The following VGLL4 variants were observed in gnomAD, a reference collection of about 807,000 sequenced individuals.
VGLL4 encodes the protein transcription cofactor vestigial-like protein 4.
In VGLL4, 7 loss-of-function variants were observed where a neutral mutation model predicts 21.0. The observed-to-expected ratio is 0.33, with a 90% CI of 0.19 to 0.63. VGLL4 has a LOEUF of 0.63. VGLL4 is among the 20% of genes least tolerant of loss of function. The pLI is 0.78. For synonymous variants in VGLL4, 222 were observed against 173.2 expected (o/e 1.28, Z -2.21); for missense variants, 394 against 425.7 (o/e 0.93, Z 0.66).
Position 11,578,403 on chromosome 3 carries a change from TGCCTGAATGCCAGCC to T in VGLL4, c.273-13399_273-13385del, listed in dbSNP as rs575847002. ...CCACACACCGGAGCATGGTCACAAC[TGCCTGAATGCCAGCC>T]GCCTTCCCATGGTCCAGCCCTAAGG... is the stretch of plus-strand genomic sequence containing the variant. On this transcript the variant is annotated intron_variant, in intron 2 of 4. Transcript: ENST00000430365. Among the ~76,000 whole-genome samples the T allele has an allele frequency of 3.9e-5, 6 of 152,302 alleles. No individual in the cohort carries two copies. In the South Asian group the frequency reaches 1.2e-3, roughly 32 times the overall value.
At position 11,565,150 on chromosome 3, in the gene VGLL4, C is replaced by G. The variant is rs1371425170; in HGVS notation, c.273-131G>C. The stretch of plus-strand genomic sequence containing the variant: ...GCTCAGGTCGTGTGGCTGGGCAGCA[C>G]GATGAGGAGCCGGTTGCCAGCCCGG... On this transcript the variant is annotated intron_variant, in intron 2 of 4. Transcript: ENST00000430365. This position sits in a 1 kb window ranked among gnomAD's most constrained non-coding sequence, Gnocchi z 4.1. 1.1e-6 allele frequency: 1 copy of G among 931,096 alleles called. No homozygotes were observed. Among genetic ancestry groups the G allele is most frequent in the Non-Finnish European group, 1.5e-6 (1 of 687,412 alleles). The allele number at this position is 931,096 out of a possible 1,614,324, so 57.7% of individuals were successfully genotyped here. A position where few individuals can be genotyped will look rare whatever the true frequency, so the allele number is the denominator to read the frequency against.
intron 1 of VGLL4, among the ~76,000 whole-genome samples, chr3:11,709,449 A>C (rs1003000657): frequency 7.6e-6 from 1 of 131,686 alleles, no homozygotes; most frequent in Non-Finnish European, 1.6e-5. Context: ...AAAAAAAAAA[A>C]AAAAAAAAAA....
In VGLL4 at chr3:11,695,930, C is replaced by T. The variant is rs117292904; in HGVS notation, c.64+7041G>A. Among the ~76,000 whole-genome samples, 271 of 152,268 alleles carry T rather than the reference C, an allele frequency of 1.8e-3. 1 individual carries two copies. Among genetic ancestry groups the T allele is most frequent in the African/African-American group, 5.5e-3 (230 of 41,530 alleles). On this transcript the variant is annotated intron_variant, in intron 2 of 5. Coordinates refer to the VGLL4 transcript ENST00000273038. Reference sequence around the variant, plus strand: ...CACTACAGAAGAGCTGGCAGAAAAACGATCCAAAGGCCATGTTATATTGAG... The same window carrying T: ...CACTACAGAAGAGCTGGCAGAAAAATGATCCAAAGGCCATGTTATATTGAG...
chr3:11,618,227 G>C (rs2075202043), intron 1 of VGLL4, among the ~76,000 whole-genome samples: 1 of 152,042 alleles, frequency 6.6e-6, no homozygotes, highest in Non-Finnish European at 1.5e-5. Flanking sequence ...CAGATATGTT[G>C]GGTTTTTCAC....
rs935134688 is a variant in VGLL4 at position 11,556,936 on chromosome 3, A to C, written c.*1620T>G. ...GGCCTGCAGCCACTCTGTGACTACA[A>C]GAGCCAGTCCTCCGACCTTTTCACC... On this transcript the variant is annotated 3_prime_UTR_variant, in exon 5 of 5. Transcript: ENST00000430365. 3.3e-5 allele frequency: 5 copies of C among 152,782 alleles called. No individual in the cohort carries two copies. The highest frequency in any genetic ancestry group is 1.2e-4 in the African/African-American group (5 of 41,462). The allele number at this position is 152,782 out of a possible 1,614,324, so 9.5% of individuals were successfully genotyped here.
chr3:11,648,237 G>A (rs2075820589), upstream of VGLL4, among the ~76,000 whole-genome samples: 1 of 152,156 alleles, frequency 6.6e-6, no homozygotes, highest in African/African-American at 2.4e-5. Context: ...TAGAGACTAG[G>A]TAGGACCAGA....
At chr3:11,691,982 T>TG (rs960660514) in intron 2 of VGLL4, among the ~76,000 whole-genome samples, 4 of 40,816 alleles carry the variant, frequency 9.8e-5, no homozygotes, top group African/African-American at 2.9e-4. Context: ...GTGCACCAAA[T>TG]GAAAAAAAAA....
At chr3:11,657,535 C>G (rs1259838593) in intron 2 of VGLL4, among the ~76,000 whole-genome samples, 2 of 106 alleles carry the variant, frequency 0.019, no homozygotes, top group East Asian at 0.5. Flanking sequence ...GTGAGAGGAT[C>G]TTAACTAACC....
At position 11,556,587 on chromosome 3, in the gene VGLL4, C is replaced by G. The variant is rs2072434082; in HGVS notation, c.*1969G>C. The G allele has an allele frequency of 6.6e-6, 1 of 151,298 alleles. No individual in the cohort carries two copies. The highest frequency in any genetic ancestry group is 2.1e-4 in the South Asian group (1 of 4,784). The allele number at this position is 151,298 out of a possible 1,614,324, so 9.4% of individuals were successfully genotyped here. A position where few individuals can be genotyped will look rare whatever the true frequency, so the allele number is the denominator to read the frequency against. ...ATAACTGTTCCTGCACTTTTACAGA[C>G]AAATCTACGACAAAAAAAAAGATCA... On this transcript the variant is annotated 3_prime_UTR_variant, in exon 5 of 5. Transcript: ENST00000430365.
rs370686701 is a variant in VGLL4 at position 11,595,160 on chromosome 3, T to TCAAA, written c.272+6669_272+6672dup. 7.8e-3 allele frequency among the ~76,000 whole-genome samples: 947 copies of TCAAA among 121,458 alleles called. 9 individuals are homozygous for TCAAA. The highest frequency in any genetic ancestry group is 0.028 in the African/African-American group (854 of 30,996). 79.7% of individuals were successfully genotyped at this position (121,458 alleles called of 152,430 possible). A position where few individuals can be genotyped will look rare whatever the true frequency, so the allele number is the denominator to read the frequency against. On this transcript the variant is annotated intron_variant, in intron 2 of 4. Coordinates refer to ENST00000430365, the MANE Select transcript of VGLL4 (RefSeq NM_001128219.3). ...TGGGCAACAAGAGTGAAACTCCATC[T>TCAAA]CAAACAAACAAACAAACAAACAAAA... is the stretch of plus-strand genomic sequence containing the variant.
intron 2 of VGLL4, among the ~76,000 whole-genome samples, chr3:11,687,451 T>C (rs772537372): frequency 1.3e-5 from 2 of 152,144 alleles, no homozygotes; most frequent in African/African-American, 2.4e-5. Flanking sequence ...CTATGGTTGA[T>C]ATGGGAATGA....
chr3:11,665,274 T>C (rs917173916), intron 2 of VGLL4, among the ~76,000 whole-genome samples: 7 of 151,606 alleles, frequency 4.6e-5, no homozygotes, highest in African/African-American at 1.5e-4. Flanking sequence ...CCACCACGCC[T>C]GGCTAATTTT....
Position 11,643,886 on chromosome 3 carries a change from G to A in VGLL4, c.-368C>T. 2.4e-5 allele frequency: 25 copies of A among 1,025,244 alleles called. No individual in the cohort carries two copies. Among genetic ancestry groups the A allele is most frequent in the Non-Finnish European group, 2.6e-5 (22 of 854,718 alleles). 63.5% of individuals were successfully genotyped at this position (1,025,244 alleles called of 1,614,324 possible). A position where few individuals can be genotyped will look rare whatever the true frequency, so the allele number is the denominator to read the frequency against. On this transcript the variant is annotated 5_prime_UTR_variant, in exon 1 of 5. Coordinates refer to ENST00000430365, the MANE Select transcript of VGLL4 (RefSeq NM_001128219.3). ...GCGCCGGCCCCTCTCACAGCCCGCT[G>A]CAAGCCGGCAGCGCTGACATGAGGG...
intron 4 of VGLL4, among the ~76,000 whole-genome samples, chr3:11,559,039 G>A (rs1211185987): frequency 1.3e-5 from 2 of 152,220 alleles, no homozygotes; most frequent in Non-Finnish European, 2.9e-5. Context: ...CACTGGGCCA[G>A]AGTCCGAGTT....
At chr3:11,619,601 C>T (rs148998420) in intron 1 of VGLL4, among the ~76,000 whole-genome samples, 5 of 152,224 alleles carry the variant, frequency 3.3e-5, no homozygotes, top group East Asian at 3.9e-4. Context: ...CGCGGAAGGG[C>T]GGTCAAACTT....
upstream of VGLL4, chr3:11,644,061 G>C (rs957538842): frequency 5.4e-6 from 5 of 921,164 alleles, no homozygotes; most frequent in Non-Finnish European, 6.5e-6. Context: ...GAAAGGGGAG[G>C]GGGAGAGACT....
chr3:11,713,568 T>TTATATATA (rs10690353), intron 1 of VGLL4, among the ~76,000 whole-genome samples: 3,813 of 140,170 alleles, frequency 0.027, 73 homozygotes, highest in African/African-American at 0.053. Flanking sequence ...TATATATTAT[T>TTATATATA]TATATATATA....
rs1230991979 is a variant in VGLL4, at chr3:11,564,786, C to T, written c.495+11G>A. On this transcript the variant is annotated intron_variant, in intron 3 of 4. Coordinates refer to ENST00000430365, the MANE Select transcript of VGLL4 (RefSeq NM_001128219.3). ...GGACTCCCCACGCCACCCTCCCAGACAGAGGCCCACCTGCTGCCGCTCCCC... is the reference window on the plus strand; with the variant it reads ...GGACTCCCCACGCCACCCTCCCAGATAGAGGCCCACCTGCTGCCGCTCCCC... 9 of 1,539,556 alleles carry T rather than the reference C, an allele frequency of 5.8e-6. No homozygotes were observed. Among genetic ancestry groups the T allele is most frequent in the South Asian group, 1.2e-5 (1 of 84,124 alleles).
chr3:11,692,674 C>T (rs1259554510), intron 2 of VGLL4, among the ~76,000 whole-genome samples: 4 of 150,514 alleles, frequency 2.7e-5, no homozygotes, highest in African/African-American at 7.4e-5. Flanking sequence ...CCAGCAGCAA[C>T]GCACAATTCA....
Sources: allele counts gnomAD v4.1 joint callset (sites outside exome capture counted in the v4.1 genomes callset), GRCh38; gene constraint gnomAD v4.1.1; non-coding constraint Gnocchi (gnomAD v3.1); transcripts MANE v1.5; gene names NCBI Gene and HGNC (gene_info 2026-07-23, HGNC 2026-07-21).